Variants in TMTC1 observed in about 807,000 individuals in gnomAD.
The protein encoded by TMTC1 is protein O-mannosyl-transferase TMTC1.
TMTC1 carries 73 observed loss-of-function variants against 104.8 expected under a neutral mutation model. That is an observed-to-expected ratio of 0.70 (90% CI 0.58 to 0.85). TMTC1 has a LOEUF of 0.85. Among genes scored for constraint, TMTC1 ranks in the 40% least tolerant of loss-of-function variants. TMTC1 has a pLI of 0.00. For synonymous variants in TMTC1, 434 were observed against 428.7 expected, an observed-to-expected ratio of 1.01 and a Z score of -0.15; for missense variants, 1,035 against 1,096.1, an observed-to-expected ratio of 0.94 and a Z score of 0.79.
intron 7 of TMTC1, among the ~76,000 whole-genome samples, chr12:29,601,098 C>A (rs1946552618): frequency 6.6e-6 from 1 of 152,112 alleles, no homozygotes; most frequent in African/African-American, 2.4e-5. Context: ...CCCAAATCAG[C>A]CTATTCCTAG....
intron 5 of TMTC1, among the ~76,000 whole-genome samples, chr12:29,672,225 C>T (rs1940544721): frequency 6.6e-6 from 1 of 152,162 alleles, no homozygotes; most frequent in Admixed American, 6.5e-5. Context: ...GGTGCCATCC[C>T]TGTCTTTAGG....
intron 5 of TMTC1, among the ~76,000 whole-genome samples, chr12:29,738,188 T>C (rs1262663710): frequency 6.6e-6 from 1 of 152,220 alleles, no homozygotes; most frequent in Non-Finnish European, 1.5e-5. Context: ...AACTTTTTAC[T>C]GCTACTAAAT....
chr12:29,762,626 A>G (rs1467274569), intron 2 of TMTC1, among the ~76,000 whole-genome samples: 1 of 152,258 alleles, frequency 6.6e-6, no homozygotes. Flanking sequence ...TTGCATTAAG[A>G]GAAACCTGGA....
chr12:29,698,680 GC>G (rs1359409804), intron 5 of TMTC1, among the ~76,000 whole-genome samples: 3 of 152,146 alleles, frequency 2.0e-5, no homozygotes, highest in Non-Finnish European at 2.9e-5. Context: ...CTACATGCTT[GC>G]CTGGAACGTG....
chr12:29,684,382 A>G (rs1324923312), intron 5 of TMTC1, among the ~76,000 whole-genome samples: 1 of 152,172 alleles, frequency 6.6e-6, no homozygotes, highest in Non-Finnish European at 1.5e-5. Flanking sequence ...ATTTTCTCAT[A>G]GAGGAAATAT....
chr12:29,732,651 T>C (rs960735161), intron 5 of TMTC1, among the ~76,000 whole-genome samples: 2 of 152,204 alleles, frequency 1.3e-5, no homozygotes, highest in Non-Finnish European at 2.9e-5. Flanking sequence ...TCATAGTGAT[T>C]AGCATATAGT....
chr12:29,675,630 A>ACC (rs796149279), intron 5 of TMTC1, among the ~76,000 whole-genome samples: 13,592 of 94,710 alleles, frequency 0.14, 737 homozygotes, highest in Non-Finnish European at 0.17. Context: ...ACACACACAC[A>ACC]CCCTCCATGA....
At chr12:29,722,543 G>T (rs1942264570) in intron 5 of TMTC1, among the ~76,000 whole-genome samples, 1 of 152,070 alleles carries the variant, frequency 6.6e-6, no homozygotes, top group Non-Finnish European at 1.5e-5. Flanking sequence ...AAATTATAAA[G>T]GTTAAAAAGA....
chr12:29,756,026 C>A (rs147725629), intron 3 of TMTC1, 141 bp from the exon 4 acceptor site: 2 of 827,776 alleles, frequency 2.4e-6, no homozygotes, highest in Admixed American at 3.0e-5. Flanking sequence ...TCTTAAAGAG[C>A]CTTCATCCCC....
chr12:29,542,886 C>G (rs1452012353), intron 10 of TMTC1, among the ~76,000 whole-genome samples: 1 of 152,044 alleles, frequency 6.6e-6, no homozygotes, highest in Non-Finnish European at 1.5e-5. Context: ...AGTTTTCTCT[C>G]TCATAGGGGC....
At chr12:29,716,368 G>C (rs982166962) in intron 5 of TMTC1, among the ~76,000 whole-genome samples, 1 of 152,106 alleles carries the variant, frequency 6.6e-6, no homozygotes, top group African/African-American at 2.4e-5. Flanking sequence ...GCAACGAAAA[G>C]TCTAGAGCAA....
intron 5 of TMTC1, among the ~76,000 whole-genome samples, chr12:29,739,143 C>A (rs1314418575): frequency 6.6e-6 from 1 of 152,144 alleles, no homozygotes; most frequent in Admixed American, 6.6e-5. Context: ...GATGAGCTTG[C>A]CACTGCCCTG....
rs770540372 is a variant in TMTC1 at position 29,572,233 on chromosome 12, T to C, written c.1419-15A>G. The C allele has an allele frequency of 8.2e-6, 13 of 1,576,036 alleles. No homozygotes were observed. The highest frequency in any genetic ancestry group is 1.7e-5 in the Admixed American group (1 of 59,736). On this transcript the variant is annotated splice_polypyrimidine_tract_variant and intron_variant, in intron 8 of 17. Transcript: ENST00000539277. ...GAACTCCAGACCTAAAATGAATAAATTTTTAAAAAGAATTATTTGACAAAG... is the reference window on the plus strand; with the variant it reads ...GAACTCCAGACCTAAAATGAATAAACTTTTAAAAAGAATTATTTGACAAAG...
At chr12:29,644,119 G>A (rs1331948105) in intron 5 of TMTC1, among the ~76,000 whole-genome samples, 1 of 85,080 alleles carries the variant, frequency 1.2e-5, no homozygotes, top group Non-Finnish European at 2.3e-5. Context: ...ATATGTGTGT[G>A]TGTGTGTGTG....
chr12:29,590,077 G>A (rs1946239524), intron 7 of TMTC1, among the ~76,000 whole-genome samples: 1 of 151,984 alleles, frequency 6.6e-6, no homozygotes, highest in African/African-American at 2.4e-5. Context: ...CTTTGTAGCA[G>A]GAAAACAGCC....
At chr12:29,661,419 ATTTTT>A (rs773889232) in intron 5 of TMTC1, 165 of 371,340 alleles carry the variant, frequency 4.4e-4, no homozygotes, top group African/African-American at 1.6e-3. Flanking sequence ...AGGTTAAGTA[ATTTTT>A]TTTTTTTTTT....
chr12:29,649,508 G>A (rs746094158), intron 5 of TMTC1, among the ~76,000 whole-genome samples: 11 of 152,224 alleles, frequency 7.2e-5, no homozygotes, highest in Non-Finnish European at 4.4e-5. Flanking sequence ...GAGGGTTCCT[G>A]TAGTCACCCC....
intron 1 of TMTC1, among the ~76,000 whole-genome samples, chr12:29,769,147 C>T (rs1192331159): frequency 6.6e-6 from 1 of 152,138 alleles, no homozygotes; most frequent in Non-Finnish European, 1.5e-5. Flanking sequence ...ATGACATACG[C>T]GTATTCTAAA....
chr12:29,663,113 A>G lies in TMTC1; in HGVS notation c.939-29777T>C, dbSNP rs181171928. On this transcript the variant is annotated intron_variant, in intron 5 of 17. Transcript: ENST00000539277. ...TTTTGTGTGTATTTTTCTGAGGCAA[A>G]GTCCTTGACTTCGATCTTTAGTGTC... is the stretch of plus-strand genomic sequence containing the variant. 2.0e-3 allele frequency among the ~76,000 whole-genome samples: 312 copies of G among 152,296 alleles called. 2 individuals are homozygous for G. Among genetic ancestry groups the G allele is most frequent in the Non-Finnish European group, 2.4e-3 (161 of 68,010 alleles).
Sources: gnomAD v4.1 joint callset for allele counts (sites outside exome capture counted in the v4.1 genomes callset) on GRCh38, gnomAD v4.1.1 for gene constraint, MANE v1.5 for transcripts, NCBI Gene and HGNC (gene_info 2026-07-23, HGNC 2026-07-21) for gene names.